The following SH3RF2 variants were observed in gnomAD, a reference collection of about 807,000 sequenced individuals.
SH3RF2 encodes SH3 domain containing ring finger 2, also known as E3 ubiquitin-protein ligase SH3RF2.
In SH3RF2, 43 loss-of-function variants were observed where a neutral mutation model predicts 59.0. The ratio of observed to expected loss-of-function variants is 0.73; its 90% CI spans 0.57 to 0.94. The LOEUF is 0.94. Ranked by LOEUF, SH3RF2 falls within the 40% of genes least tolerant of loss-of-function variation. The probability of loss-of-function intolerance (pLI) is 0.00; values close to 1 mark genes in which losing one functional copy is unlikely to be tolerated. For synonymous variants in SH3RF2, 391 were observed against 391.5 expected (o/e 1.00, Z 0.01); for missense variants, 930 against 940.1 (o/e 0.99, Z 0.14).
intron 2 of SH3RF2, among the ~76,000 whole-genome samples, chr5:145,976,810 A>T (rs1046794769): frequency 1.3e-5 from 2 of 152,206 alleles, no homozygotes; most frequent in Non-Finnish European, 2.9e-5. Context: ...CATGGTTCTC[A>T]GTTAAAGGTC....
Position 146,059,904 on chromosome 5 carries a change from A to C in SH3RF2, c.1594A>C (p.Thr532Pro). The change falls in exon 9 of 10, where the codon ACT (threonine) becomes CCT (proline). Residue 532 changes from threonine (T) to proline (P), a missense_variant. Transcript: ENST00000359120. Reference sequence around the variant, plus strand: ...GAGACCCCTCCAGTCCGGGATCCCCACTCTCGTGGTAGGCTCCCTCAGACG... The same window carrying C: ...GAGACCCCTCCAGTCCGGGATCCCCCCTCTCGTGGTAGGCTCCCTCAGACG... ...LQRPLQSGIP[T>P]LVVGSLRRSP... 6.7e-7 allele frequency: 1 copy of C among 1,496,762 alleles called. No homozygotes were observed. Among genetic ancestry groups the C allele is most frequent in the Non-Finnish European group, 8.9e-7 (1 of 1,123,174 alleles). 92.7% of individuals were successfully genotyped at this position (1,496,762 alleles called of 1,614,324 possible).
chr5:145,994,504 G>T (rs780076382), intron 2 of SH3RF2, among the ~76,000 whole-genome samples: 1 of 152,198 alleles, frequency 6.6e-6, no homozygotes, highest in Non-Finnish European at 1.5e-5. Flanking sequence ...GGATGGGGAG[G>T]CCTCAGAATC....
At chr5:145,993,638 T>G (rs1450102743) in intron 2 of SH3RF2, among the ~76,000 whole-genome samples, 1 of 152,272 alleles carries the variant, frequency 6.6e-6, no homozygotes, top group Non-Finnish European at 1.5e-5. Flanking sequence ...AAACTCTATA[T>G]TGGCTCCTTT....
chr5:146,064,798 AGGAAGG>A (rs1561773742), downstream of SH3RF2, among the ~76,000 whole-genome samples: 11 of 37,238 alleles, frequency 3.0e-4, no homozygotes, highest in African/African-American at 9.7e-4. Flanking sequence ...GAAGGAAGGA[AGGAAGG>A]AAGGAAAGAA....
chr5:145,987,193 T>C (rs1365833382), intron 2 of SH3RF2, among the ~76,000 whole-genome samples: 2 of 152,224 alleles, frequency 1.3e-5, no homozygotes, highest in Non-Finnish European at 2.9e-5. Flanking sequence ...ATTTTTTCTC[T>C]GTTTTACATT....
intron 2 of SH3RF2, among the ~76,000 whole-genome samples, chr5:145,950,012 G>A (rs765073037): frequency 6.6e-6 from 1 of 152,034 alleles, no homozygotes; most frequent in Non-Finnish European, 1.5e-5. Context: ...TGGAATGATT[G>A]TTCTCACTGA....
chr5:145,968,602 AAAGT>A (rs1364074559), intron 2 of SH3RF2, among the ~76,000 whole-genome samples: 2 of 152,390 alleles, frequency 1.3e-5, no homozygotes, highest in African/African-American at 4.8e-5. Flanking sequence ...CACATTAAAA[AAAGT>A]AAAAAGAAAG....
intron 2 of SH3RF2, among the ~76,000 whole-genome samples, chr5:145,995,517 A>G (rs1201614106): frequency 1.3e-5 from 2 of 152,172 alleles, no homozygotes; most frequent in East Asian, 3.9e-4. Context: ...AGTTAGTTGC[A>G]TAGTTTGCTT....
chr5:145,949,358 G>A lies in SH3RF2; in HGVS notation c.378+11052G>A, dbSNP rs193027116. Among the ~76,000 whole-genome samples the A allele has an allele frequency of 2.6e-5, 4 of 152,272 alleles. No individual in the cohort carries two copies. The East Asian group carries it at 7.7e-4, about 29-fold the overall frequency. On this transcript the variant is annotated intron_variant, in intron 2 of 9. Transcript: ENST00000359120. The stretch of plus-strand genomic sequence containing the variant: ...TTTTAATTGGTTGCCAAGGCGATAC[G>A]GCAGAATCACAGGGCACAGAGCAGG...
At chr5:146,006,014 C>T (rs562442040) in intron 4 of SH3RF2, among the ~76,000 whole-genome samples, 34 of 152,150 alleles carry the variant, frequency 2.2e-4, no homozygotes, top group Non-Finnish European at 3.5e-4. Flanking sequence ...CATTGAGTGC[C>T]TGCTATGCCA....
At chr5:145,965,377 G>A (rs879868908) in intron 2 of SH3RF2, among the ~76,000 whole-genome samples, 4 of 152,062 alleles carry the variant, frequency 2.6e-5, no homozygotes, top group Non-Finnish European at 4.4e-5. Context: ...TGGTTATCTG[G>A]GGCTTTATTA....
chr5:146,066,339 G>C (rs1763105429), downstream of SH3RF2, among the ~76,000 whole-genome samples: 1 of 152,206 alleles, frequency 6.6e-6, no homozygotes, highest in African/African-American at 2.4e-5. Flanking sequence ...TGTCAGGCCA[G>C]TTACTTAATC....
intron 5 of SH3RF2, among the ~76,000 whole-genome samples, chr5:146,018,074 T>C (rs1761172998): frequency 6.6e-6 from 1 of 152,158 alleles, no homozygotes; most frequent in Admixed American, 6.5e-5. Context: ...GATTAGGTAT[T>C]TTTCTTAGTC....
chr5:145,944,081 T>G (rs190107937), intron 2 of SH3RF2, among the ~76,000 whole-genome samples: 154 of 152,302 alleles, frequency 1.0e-3, no homozygotes, highest in African/African-American at 3.6e-3. Context: ...AGCTCAGATA[T>G]AGGTTGTGCA....
intron 5 of SH3RF2, among the ~76,000 whole-genome samples, chr5:146,038,944 A>G (rs1762035595): frequency 6.6e-6 from 1 of 152,214 alleles, no homozygotes; most frequent in African/African-American, 2.4e-5. Flanking sequence ...GCTAATTAAG[A>G]TGGCATGGAT....
chr5:146,004,076 A>C lies in SH3RF2; in HGVS notation c.667A>C (p.Ile223Leu), dbSNP rs750280738. Reference sequence around the variant, plus strand: ...CTTTCAGGACGATATCATCACTGTGATCAGCCGAGTGGATGAGAACTGGGC... The same window carrying C: ...CTTTCAGGACGATATCATCACTGTGCTCAGCCGAGTGGATGAGAACTGGGC... ...TFLKDDIITV[I>L]SRVDENWAEG... is the part of the protein sequence containing the mutation. Residue 223 changes from isoleucine to leucine, a missense_variant, in exon 4 of 10, where the codon ATC becomes CTC. Ile to Leu is a conservative substitution (Grantham distance 5, BLOSUM62 2). Transcript: ENST00000359120. 3 of 1,612,892 alleles carry C rather than the reference A, an allele frequency of 1.9e-6. No individual in the cohort carries two copies. The highest frequency in any genetic ancestry group is 2.5e-6 in the Non-Finnish European group (3 of 1,179,088).
intron 2 of SH3RF2, among the ~76,000 whole-genome samples, chr5:145,976,709 C>T (rs917557533): frequency 3.3e-5 from 5 of 152,214 alleles, no homozygotes; most frequent in Non-Finnish European, 7.4e-5. Flanking sequence ...GCCACTGTCA[C>T]ATAGTTAGCC....
At chr5:145,988,375 G>A (rs944513604) in intron 2 of SH3RF2, among the ~76,000 whole-genome samples, 1 of 151,608 alleles carries the variant, frequency 6.6e-6, no homozygotes, top group Non-Finnish European at 1.5e-5. Context: ...AATATTCTAA[G>A]GACTTAGAGG....
intron 2 of SH3RF2, among the ~76,000 whole-genome samples, chr5:145,985,538 A>C (rs1032890198): frequency 2.0e-5 from 3 of 152,172 alleles, no homozygotes; most frequent in Non-Finnish European, 4.4e-5. Context: ...ACATACACAA[A>C]AGTGGAGAGA....
Sources: gnomAD v4.1 joint callset for allele counts (sites outside exome capture counted in the v4.1 genomes callset) on GRCh38, gnomAD v4.1.1 for gene constraint, MANE v1.5 for transcripts, NCBI Gene and HGNC (gene_info 2026-07-23, HGNC 2026-07-21) for gene names.